Variants in TBC1D32 observed in about 807,000 individuals in gnomAD.
TBC1D32 encodes TBC1 domain family member 32, also known as protein broad-minded.
A neutral mutation model predicts 170.3 loss-of-function variants in TBC1D32; 151 were observed. That is an observed-to-expected ratio of 0.89 (90% CI 0.78 to 1.01). The LOEUF is 1.01. Ranked by LOEUF, TBC1D32 falls within the 50% of genes least tolerant of loss-of-function variation. TBC1D32 has a pLI of 0.00. For missense variants in TBC1D32, 1,464 were observed against 1,457.1 expected, an observed-to-expected ratio of 1.00 and a Z score of -0.08; for synonymous variants, 498 against 488.0, an observed-to-expected ratio of 1.02 and a Z score of -0.27.
rs150408234 is a variant in TBC1D32 at position 121,301,003 on chromosome 6, T to C, written c.1081-1498A>G. Among the ~76,000 whole-genome samples, 1,352 of 152,210 alleles carry C rather than the reference T, an allele frequency of 8.9e-3. 24 individuals carry two copies. Among genetic ancestry groups the C allele is most frequent in the African/African-American group, 0.031 (1,276 of 41,532 alleles). On this transcript the variant is annotated intron_variant, in intron 9 of 31. Coordinates refer to ENST00000398212, the MANE Select transcript of TBC1D32 (RefSeq NM_152730.6). The stretch of plus-strand genomic sequence containing the variant: ...AACCACAATGAGATACCATCTCACA[T>C]CAGTTAGAATGGTGATCATTAAAAG...
chr6:121,104,195 C>T (rs990957018), intron 30 of TBC1D32, among the ~76,000 whole-genome samples: 67 of 151,546 alleles, frequency 4.4e-4, no homozygotes, highest in Non-Finnish European at 8.3e-4. Context: ...AAAAGATTCC[C>T]TATAGGATAA....
At chr6:121,289,882 A>C (rs1804548830) in intron 12 of TBC1D32, among the ~76,000 whole-genome samples, 1 of 152,216 alleles carries the variant, frequency 6.6e-6, no homozygotes, top group South Asian at 2.1e-4. Flanking sequence ...AAACCTGACA[A>C]AAACAAGAAA....
At chr6:121,138,373 TGTC>T (rs1562614231) in intron 24 of TBC1D32, among the ~76,000 whole-genome samples, 1 of 152,194 alleles carries the variant, frequency 6.6e-6, no homozygotes, top group Non-Finnish European at 1.5e-5. Context: ...AGTCTTCCCT[TGTC>T]ATCTTACTGC....
At chr6:121,089,898 G>GGTA (rs1326802681) in intron 31 of TBC1D32, among the ~76,000 whole-genome samples, 1 of 151,804 alleles carries the variant, frequency 6.6e-6, no homozygotes, top group African/African-American at 2.4e-5. Flanking sequence ...GGATGGCAAA[G>GGTA]GTAGTAGGGA....
chr6:121,105,517 C>G (rs930919017), intron 30 of TBC1D32, among the ~76,000 whole-genome samples: 2 of 151,918 alleles, frequency 1.3e-5, no homozygotes, highest in Admixed American at 1.3e-4. Context: ...GAAGGACTGG[C>G]TATACACAGA....
chr6:121,320,060 A>G (rs146298810), intron 2 of TBC1D32, among the ~76,000 whole-genome samples: 1 of 152,184 alleles, frequency 6.6e-6, no homozygotes, highest in African/African-American at 2.4e-5. Flanking sequence ...TATAGATCCT[A>G]CAAATGAATT....
chr6:121,149,946 G>C (rs1476339305), intron 24 of TBC1D32, among the ~76,000 whole-genome samples: 2 of 152,106 alleles, frequency 1.3e-5, no homozygotes, highest in African/African-American at 4.8e-5. Context: ...GCAGTGGTTT[G>C]TAGTTCTCTT....
At chr6:121,281,488 G>A (rs1802967867) in intron 14 of TBC1D32, 56 bp downstream of exon 14, 8 of 1,398,138 alleles carry the variant, frequency 5.7e-6, no homozygotes, top group Non-Finnish European at 6.9e-6. Flanking sequence ...GTCCCACTGA[G>A]TATCCACTAA....
At chr6:121,133,451 A>C (rs1562594042) in intron 24 of TBC1D32, among the ~76,000 whole-genome samples, 1 of 152,036 alleles carries the variant, frequency 6.6e-6, no homozygotes, top group East Asian at 1.9e-4. Flanking sequence ...ATATGCATGT[A>C]TATGTGTGTA....
intron 30 of TBC1D32, among the ~76,000 whole-genome samples, chr6:121,104,181 G>C (rs959170234): frequency 1.9e-4 from 29 of 151,792 alleles, no homozygotes; most frequent in Middle Eastern, 3.5e-3. Flanking sequence ...GTCTAATTAA[G>C]TGGAAAAGAT....
chr6:121,093,236 C>A (rs1036766667), intron 30 of TBC1D32, among the ~76,000 whole-genome samples: 1 of 152,094 alleles, frequency 6.6e-6, no homozygotes, highest in African/African-American at 2.4e-5. Context: ...GTTACTAAAT[C>A]TCCATTGCCC....
rs1481655668 is a variant in TBC1D32 at position 121,281,644 on chromosome 6, A to G, written c.1508T>C (p.Ile503Thr). Residue 503 changes from isoleucine to threonine, a missense_variant, in exon 14 of 32, where the codon ATA becomes ACA. Coordinates refer to ENST00000398212, the MANE Select transcript of TBC1D32 (RefSeq NM_152730.6). ...TGCACATTCTTTTTGATCACTGAGT[A>G]TCCACAGAACTTCAGTCACCATACT... ...PASMVTEVLW[I>T]LSDQKECAVE... 1 of 1,604,414 alleles carries G rather than the reference A, an allele frequency of 6.2e-7. No homozygotes were observed.
intron 12 of TBC1D32, among the ~76,000 whole-genome samples, chr6:121,289,692 T>C (rs1804511416): frequency 6.6e-6 from 1 of 152,054 alleles, no homozygotes; most frequent in Non-Finnish European, 1.5e-5. Context: ...CATTGCCAAG[T>C]CAATCCTAAG....
chr6:121,197,698 T>C (rs988562765), intron 22 of TBC1D32, among the ~76,000 whole-genome samples: 5 of 152,148 alleles, frequency 3.3e-5, no homozygotes, highest in African/African-American at 9.7e-5. Flanking sequence ...ATCTTATTAT[T>C]GTCTTTATTT....
Position 121,194,607 on chromosome 6 carries a change from C to T in TBC1D32, c.2570+10468G>A, listed in dbSNP as rs531641784. On this transcript the variant is annotated intron_variant, in intron 22 of 31. Coordinates refer to ENST00000398212, the MANE Select transcript of TBC1D32 (RefSeq NM_152730.6). Reference sequence around the variant, plus strand: ...GTTTCATTACTTGAGCAAATTAACACATCTCCTTGTACCTGGTATGCAGCC... The same window carrying T: ...GTTTCATTACTTGAGCAAATTAACATATCTCCTTGTACCTGGTATGCAGCC... 2.0e-5 allele frequency among the ~76,000 whole-genome samples: 3 copies of T among 152,342 alleles called. No individual in the cohort carries two copies. The East Asian group carries it at 5.8e-4, about 29-fold the overall frequency.
chr6:121,145,965 G>A (rs1783378881), intron 24 of TBC1D32, among the ~76,000 whole-genome samples: 1 of 152,122 alleles, frequency 6.6e-6, no homozygotes, highest in South Asian at 2.1e-4. Context: ...GAACAGATAG[G>A]TGTGGAGGCT....
At chr6:121,202,292 AAG>A (rs1491225534) in intron 22 of TBC1D32, among the ~76,000 whole-genome samples, 14 of 121,898 alleles carry the variant, frequency 1.1e-4, no homozygotes, top group East Asian at 4.8e-4. Flanking sequence ...AAAAAAAAAA[AAG>A]AAAGAAAGAA....
At chr6:121,133,233 A>G (rs1781634931) in intron 24 of TBC1D32, among the ~76,000 whole-genome samples, 1 of 152,006 alleles carries the variant, frequency 6.6e-6, no homozygotes, top group African/African-American at 2.4e-5. Flanking sequence ...CTTTTTTCTT[A>G]AAGAAAATTA....
rs1221432243 is a variant in TBC1D32, at chr6:121,303,773, G to C, written c.936-12C>G. On this transcript the variant is annotated splice_polypyrimidine_tract_variant and intron_variant, in intron 8 of 31. Coordinates refer to ENST00000398212, the MANE Select transcript of TBC1D32 (RefSeq NM_152730.6). ...TTTCTTCCATATACCTTAAAGTTTG[G>C]GAAAAAAGAAATACAATTACACATA... The C allele has an allele frequency of 1.3e-6, 2 of 1,494,182 alleles. No individual in the cohort carries two copies. The highest frequency in any genetic ancestry group is 2.8e-5 in the African/African-American group (2 of 71,788). 92.6% of individuals were successfully genotyped at this position (1,494,182 alleles called of 1,614,324 possible).
Sources: allele counts gnomAD v4.1 joint callset (sites outside exome capture counted in the v4.1 genomes callset), GRCh38; gene constraint gnomAD v4.1.1; transcripts MANE v1.5; gene names NCBI Gene and HGNC (gene_info 2026-07-23, HGNC 2026-07-21).